The following MED26 variants were observed in gnomAD, a reference collection of about 807,000 sequenced individuals.
MED26 encodes mediator complex subunit 26.
MED26 carries 7 observed loss-of-function variants against 43.7 expected under a neutral mutation model. That is an observed-to-expected ratio of 0.16 (90% CI 0.09 to 0.30). The LOEUF is 0.30. MED26 is among the 10% of genes least tolerant of loss of function. MED26 has a pLI of 1.00. For missense variants in MED26, 784 were observed against 840.6 expected (o/e 0.93, Z 0.83); for synonymous variants, 375 against 371.1 (o/e 1.01, Z -0.12).
chr19:16,600,963 G>A (rs1010561182), intron 1 of MED26, among the ~76,000 whole-genome samples: 8 of 151,924 alleles, frequency 5.3e-5, no homozygotes, highest in South Asian at 2.1e-4. Flanking sequence ...GTGTGGTGGC[G>A]CACGCCTGTA....
intron 1 of MED26, among the ~76,000 whole-genome samples, chr19:16,580,375 T>G (rs1317792927): frequency 7.0e-6 from 1 of 143,248 alleles, no homozygotes; most frequent in Non-Finnish European, 1.5e-5. Flanking sequence ...TCTTATTTTG[T>G]TTTTTTTTTT....
intron 1 of MED26, among the ~76,000 whole-genome samples, chr19:16,594,822 G>C (rs779506538): frequency 6.6e-6 from 1 of 152,120 alleles, no homozygotes; most frequent in Non-Finnish European, 1.5e-5. Context: ...GGGCAGGAAC[G>C]CATGTTTTTA....
intron 1 of MED26, among the ~76,000 whole-genome samples, chr19:16,591,052 T>TA (rs1370961936): frequency 0.023 from 341 of 14,584 alleles, no homozygotes; most frequent in Middle Eastern, 0.071. Context: ...TAAAATAAAA[T>TA]AAATAAATAA....
At position 16,627,951 on chromosome 19, in the gene MED26, G is replaced by A; in HGVS notation, c.-8C>T. 2 of 1,460,620 alleles carry A rather than the reference G, an allele frequency of 1.4e-6. No individual in the cohort carries two copies. Among genetic ancestry groups the A allele is most frequent in the Non-Finnish European group, 1.8e-6 (2 of 1,104,576 alleles). The allele number at this position is 1,460,620 out of a possible 1,614,324, so 90.5% of individuals were successfully genotyped here. On this transcript the variant is annotated 5_prime_UTR_variant, in exon 1 of 3. Transcript: ENST00000263390. ...CGCCGGAGCCGCTGTCATTGCCTGG[G>A]CGAGGCGGGGGGTTGCGGCCGGGCC...
rs1004848444 is a variant in MED26 at position 16,586,391 on chromosome 19, C to G, written c.73-7982G>C. On this transcript the variant is annotated intron_variant, in intron 1 of 2. Transcript: ENST00000263390. This position sits in a 1 kb window ranked among gnomAD's most constrained non-coding sequence, Gnocchi z 5.1. ...TGGCTACCAAACACACAGGGCCCAT[C>G]TGGTGCTTTGAGTAGGTGGGGTGAA... Among the ~76,000 whole-genome samples the G allele has an allele frequency of 1.3e-5, 2 of 152,246 alleles. No individual in the cohort carries two copies. The highest frequency in any genetic ancestry group is 2.9e-5 in the Non-Finnish European group (2 of 68,038).
In MED26 at chr19:16,576,830, T is replaced by G; in HGVS notation, c.1000A>C (p.Ser334Arg). ...PPVRRLELLP[S>R]AESPVCWLEQ... ...AGCCAGCACACTGGGCTTTCCGCACTGGGCAGCAGCTCGAGCCGCCGTACG... is the reference window on the plus strand; with the variant it reads ...AGCCAGCACACTGGGCTTTCCGCACGGGGCAGCAGCTCGAGCCGCCGTACG... The change falls in exon 3 of 3, where the codon AGT becomes CGT. Residue 334 changes from serine (S) to arginine (R), a missense_variant. Ser to Arg is a moderately radical substitution (Grantham distance 110). This residue lies in a region of MED26 where 719 missense variants were observed against 730.9 expected (regional missense o/e 0.98). Transcript: ENST00000263390. This position sits in a 1 kb window ranked among gnomAD's most constrained non-coding sequence, Gnocchi z 6.8. 6.2e-7 allele frequency: 1 copy of G among 1,609,850 alleles called. No homozygotes were observed. The highest frequency in any genetic ancestry group is 8.5e-7 in the Non-Finnish European group (1 of 1,178,782).
chr19:16,606,084 C>T (rs2086171859), intron 1 of MED26, among the ~76,000 whole-genome samples: 2 of 152,226 alleles, frequency 1.3e-5, no homozygotes, highest in Admixed American at 6.5e-5. Context: ...CAAGCTGTAG[C>T]TCTACCTCGC....
At chr19:16,597,021 A>AGG (rs1357397549) in intron 1 of MED26, among the ~76,000 whole-genome samples, 1 of 152,238 alleles carries the variant, frequency 6.6e-6, no homozygotes, top group Non-Finnish European at 1.5e-5. Flanking sequence ...ACATGGTCAG[A>AGG]GGGTGACAGA....
At chr19:16,605,890 T>C (rs964584278) in intron 1 of MED26, among the ~76,000 whole-genome samples, 2 of 152,234 alleles carry the variant, frequency 1.3e-5, no homozygotes, top group African/African-American at 4.8e-5. Context: ...TTTTTCAAAG[T>C]TGTCTTCCTA....
At chr19:16,584,135 C>A (rs1002300768) in intron 1 of MED26, among the ~76,000 whole-genome samples, 1 of 151,982 alleles carries the variant, frequency 6.6e-6, no homozygotes, top group African/African-American at 2.4e-5. Flanking sequence ...CACCTGTAAT[C>A]CCAGCTACTC....
chr19:16,598,351 A>AAT, intron 1 of MED26, among the ~76,000 whole-genome samples: 1 of 150,076 alleles, frequency 6.7e-6, no homozygotes. Flanking sequence ...AAAAAAAAAA[A>AAT]AAAAAAAAAT....
chr19:16,625,303 C>G (rs765406643), intron 1 of MED26, among the ~76,000 whole-genome samples: 52 of 152,228 alleles, frequency 3.4e-4, no homozygotes, highest in Non-Finnish European at 6.5e-4. Context: ...ACAGAAACTA[C>G]TTTCCTCCTA....
rs562073358 is a variant in MED26, at chr19:16,575,288, T to C, written c.*739A>G. The C allele has an allele frequency of 6.5e-6, 1 of 152,794 alleles. No homozygotes were observed. Among genetic ancestry groups the C allele is most frequent in the South Asian group, 2.1e-4 (1 of 4,826 alleles). The allele number at this position is 152,794 out of a possible 1,614,324, so 9.5% of individuals were successfully genotyped here. A position where few individuals can be genotyped will look rare whatever the true frequency, so the allele number is the denominator to read the frequency against. ...GGGAGGAAGAAAGGAAAGGTTTTTT[T>C]GTCTGGTGGTCTGATGGAAGAGGAA... On this transcript the variant is annotated 3_prime_UTR_variant, in exon 3 of 3. Coordinates refer to ENST00000263390, the MANE Select transcript of MED26 (RefSeq NM_004831.5).
chr19:16,589,737 C>CTTTTCTAGATGTATA (rs1186308202), intron 1 of MED26, among the ~76,000 whole-genome samples: 2 of 152,172 alleles, frequency 1.3e-5, no homozygotes, highest in Non-Finnish European at 2.9e-5. Flanking sequence ...GACTTGTACA[C>CTTTTCTAGATGTATA]TTTTCTAGAT....
At chr19:16,627,738 G>GGGAT in intron 1 of MED26, 134 bp downstream of exon 1, 1 of 546,648 alleles carries the variant, frequency 1.8e-6, no homozygotes, top group Non-Finnish European at 2.8e-6. Context: ...GCGAGAGGCA[G>GGGAT]GGATGGCAGC....
At chr19:16,612,730 CT>C (rs1415187378) in intron 1 of MED26, among the ~76,000 whole-genome samples, 1 of 152,224 alleles carries the variant, frequency 6.6e-6, no homozygotes, top group Non-Finnish European at 1.5e-5. Flanking sequence ...GTACAGGCAG[CT>C]TTTAAACCTG....
intron 1 of MED26, among the ~76,000 whole-genome samples, chr19:16,595,710 A>G (rs992614074): frequency 6.6e-6 from 1 of 152,366 alleles, no homozygotes; most frequent in South Asian, 2.1e-4. Flanking sequence ...AGTAACAATT[A>G]TATCACTGCA....
At chr19:16,608,585 A>G (rs537273347) in intron 1 of MED26, among the ~76,000 whole-genome samples, 2 of 152,354 alleles carry the variant, frequency 1.3e-5, no homozygotes, top group South Asian at 2.1e-4. Flanking sequence ...GGGCCATTCC[A>G]TAACACTGTC....
chr19:16,619,249 A>T (rs768810531), intron 1 of MED26, among the ~76,000 whole-genome samples: 15 of 152,224 alleles, frequency 9.9e-5, no homozygotes, highest in Non-Finnish European at 2.1e-4. Flanking sequence ...AGCACTGAAA[A>T]GCCAGCTTGC....
Sources: gnomAD v4.1 joint callset for allele counts (sites outside exome capture counted in the v4.1 genomes callset) on GRCh38, gnomAD v4.1.1 for gene constraint, gnomAD v4.1.1 regional missense constraint, Gnocchi (gnomAD v3.1) non-coding constraint, MANE v1.5 for transcripts, NCBI Gene and HGNC (gene_info 2026-07-23, HGNC 2026-07-21) for gene names.